Variants in CSMD1 observed in about 807,000 individuals in gnomAD.
CSMD1 encodes CUB and sushi domain-containing protein 1.
A neutral mutation model predicts 417.5 loss-of-function variants in CSMD1; 213 were observed. The ratio of observed to expected loss-of-function variants is 0.51; its 90% confidence interval spans 0.46 to 0.57. The LOEUF is 0.57. CSMD1 is among the 20% of genes least tolerant of loss of function. The pLI, the probability that CSMD1 is intolerant of heterozygous loss-of-function variation, is 0.00. For synonymous variants in CSMD1, 2,862 were observed against 1,736.8 expected, an observed-to-expected ratio of 1.65 and a Z score of -16.11; for missense variants, 6,923 against 4,529.7, an observed-to-expected ratio of 1.53 and a Z score of -15.17.
intron 1 of CSMD1, among the ~76,000 whole-genome samples, chr8:4,779,895 TTTTTC>T (rs1797065152): frequency 6.6e-6 from 1 of 151,730 alleles, no homozygotes; most frequent in African/African-American, 2.4e-5. Flanking sequence ...GGGGCCTTGC[TTTTTC>T]TTTTTTCTTT....
chr8:3,232,883 C>T (rs975991727), intron 26 of CSMD1, among the ~76,000 whole-genome samples: 1 of 151,788 alleles, frequency 6.6e-6, no homozygotes, highest in Admixed American at 6.6e-5. Flanking sequence ...TTACCTTCTT[C>T]TTTAATATTT....
intron 5 of CSMD1, among the ~76,000 whole-genome samples, chr8:3,940,044 C>G (rs561676835): frequency 5.2e-4 from 79 of 152,184 alleles, no homozygotes; most frequent in African/African-American, 1.9e-3. Flanking sequence ...AACAGAAATA[C>G]TGAAGATGTG....
intron 7 of CSMD1, among the ~76,000 whole-genome samples, chr8:3,668,634 G>A (rs967131608): frequency 2.0e-5 from 3 of 152,098 alleles, no homozygotes; most frequent in Non-Finnish European, 4.4e-5. Context: ...AGACGATCCT[G>A]AACAGAGTGT....
chr8:4,899,981 T>C (rs1804760907), intron 1 of CSMD1, among the ~76,000 whole-genome samples: 1 of 152,202 alleles, frequency 6.6e-6, no homozygotes, highest in Admixed American at 6.5e-5. Context: ...GTCTTATTTT[T>C]AGTCTAAGTA....
At chr8:4,051,467 T>A (rs1798421034) in intron 3 of CSMD1, among the ~76,000 whole-genome samples, 1 of 152,202 alleles carries the variant, frequency 6.6e-6, no homozygotes, top group Non-Finnish European at 1.5e-5. Context: ...GCCCTACACG[T>A]ATAAATTGAA....
intron 50 of CSMD1, among the ~76,000 whole-genome samples, chr8:3,035,685 G>T (rs1397046592): frequency 6.6e-6 from 1 of 152,160 alleles, no homozygotes; most frequent in Non-Finnish European, 1.5e-5. Flanking sequence ...AAAGTGTTTT[G>T]CTAATATAAA....
At chr8:3,867,886 G>A (rs115989150) in intron 5 of CSMD1, among the ~76,000 whole-genome samples, 169 of 151,988 alleles carry the variant, frequency 1.1e-3, no homozygotes, top group African/African-American at 3.6e-3. Flanking sequence ...TTCCTGAACC[G>A]TTCCCAAGAC....
intron 5 of CSMD1, among the ~76,000 whole-genome samples, chr8:3,798,116 A>G (rs947324180): frequency 6.6e-6 from 1 of 151,970 alleles, no homozygotes; most frequent in East Asian, 1.9e-4. Flanking sequence ...TTATTTATTT[A>G]GAGGAATTCA....
At chr8:4,364,824 CAAAAAA>C (rs60925117) in intron 3 of CSMD1, among the ~76,000 whole-genome samples, 10 of 84,854 alleles carry the variant, frequency 1.2e-4, no homozygotes, top group Non-Finnish European at 1.7e-4. Context: ...GACTCCTTCT[CAAAAAA>C]AAAAAAAAAA....
chr8:3,500,226 A>G (rs898395636), intron 10 of CSMD1, among the ~76,000 whole-genome samples: 2 of 152,128 alleles, frequency 1.3e-5, no homozygotes, highest in Non-Finnish European at 1.5e-5. Context: ...TAGACACTGC[A>G]CTTGACATGT....
At position 3,439,657 on chromosome 8, in the gene CSMD1, G is replaced by C. The variant is rs572094473; in HGVS notation, c.1561+29055C>G. ...CCGAGATGTTTTTCATTTTGATAAG[G>C]TAATAATCAATTATTTGGTAAATAA... On this transcript the variant is annotated intron_variant, in intron 12 of 69. Transcript: ENST00000635120. Among the ~76,000 whole-genome samples, 6 of 152,024 alleles carry C rather than the reference G, an allele frequency of 3.9e-5. No homozygotes were observed. In the East Asian group the frequency reaches 1.2e-3, roughly 29 times the overall value.
chr8:4,274,829 C>T (rs1055885464), intron 3 of CSMD1, among the ~76,000 whole-genome samples: 2 of 152,062 alleles, frequency 1.3e-5, no homozygotes, highest in African/African-American at 4.8e-5. Context: ...GACTGCTTTG[C>T]TTTGAAAACT....
chr8:4,545,228 T>C (rs1488331074), intron 2 of CSMD1, among the ~76,000 whole-genome samples: 3 of 152,188 alleles, frequency 2.0e-5, no homozygotes, highest in African/African-American at 7.2e-5. Context: ...AGTCATAAAA[T>C]GGGAGGTGCA....
intron 3 of CSMD1, among the ~76,000 whole-genome samples, chr8:4,415,341 C>T (rs1348354943): frequency 2.0e-5 from 3 of 152,114 alleles, no homozygotes; most frequent in Admixed American, 6.5e-5. Flanking sequence ...TGCAGGGATT[C>T]CTCCTTACTC....
chr8:3,437,610 G>C (rs770685044), intron 12 of CSMD1, among the ~76,000 whole-genome samples: 2 of 152,156 alleles, frequency 1.3e-5, no homozygotes, highest in African/African-American at 4.8e-5. Context: ...CTTCAGAGTA[G>C]ATTCTCTTCT....
rs187971999 is a variant in CSMD1 at position 4,263,460 on chromosome 8, T to A, written c.415+156493A>T. 1.6e-4 allele frequency among the ~76,000 whole-genome samples: 25 copies of A among 152,292 alleles called. No homozygotes were observed. In the East Asian group the frequency reaches 3.5e-3, roughly 21 times the overall value. ...GACTGCTTTTAGATTTGTGACATAG[T>A]TGTTCCTTCCAAACTAGTCCAAATC... On this transcript the variant is annotated intron_variant, in intron 3 of 69. Coordinates refer to ENST00000635120, the MANE Select transcript of CSMD1 (RefSeq NM_033225.6).
intron 12 of CSMD1, among the ~76,000 whole-genome samples, chr8:3,425,686 T>A (rs1275883012): frequency 6.6e-6 from 1 of 152,056 alleles, no homozygotes; most frequent in South Asian, 2.1e-4. Flanking sequence ...TCTTCTGTTG[T>A]TGTTAGTGCA....
intron 2 of CSMD1, among the ~76,000 whole-genome samples, chr8:4,450,044 T>C (rs974099499): frequency 2.0e-4 from 31 of 152,182 alleles, no homozygotes; most frequent in African/African-American, 7.2e-4. Flanking sequence ...GATGACTGGG[T>C]TCCACTTTTC....
intron 6 of CSMD1, among the ~76,000 whole-genome samples, chr8:3,733,492 C>G (rs922200434): frequency 7.9e-5 from 12 of 151,798 alleles, no homozygotes; most frequent in African/African-American, 2.9e-4. Flanking sequence ...TTTCAGTTAC[C>G]CACGGTCAAC....
Sources: gnomAD v4.1 joint callset for allele counts (sites outside exome capture counted in the v4.1 genomes callset) on GRCh38, gnomAD v4.1.1 for gene constraint, MANE v1.5 for transcripts, NCBI Gene and HGNC (gene_info 2026-07-23, HGNC 2026-07-21) for gene names.